SORCS2: variants seen among roughly 807,000 people sequenced by gnomAD.
The protein encoded by SORCS2 is VPS10 domain-containing receptor SorCS2.
Under a neutral mutation model 141.6 loss-of-function variants are expected in SORCS2, and 100 were observed. The observed-to-expected ratio is 0.71, with a 90% CI of 0.60 to 0.83. The LOEUF (loss-of-function observed/expected upper bound fraction) is 0.83. SORCS2 is among the 40% of genes least tolerant of loss of function. The pLI, the probability that SORCS2 is intolerant of heterozygous loss-of-function variation, is 0.00. For missense variants in SORCS2, 1,646 were observed against 1,560.2 expected (o/e 1.05, Z -0.93); for synonymous variants, 789 against 676.9 (o/e 1.17, Z -2.57).
At chr4:7,405,731 T>C (rs1560258283) in intron 2 of SORCS2, among the ~76,000 whole-genome samples, 1 of 151,986 alleles carries the variant, frequency 6.6e-6, no homozygotes, top group Non-Finnish European at 1.5e-5. Flanking sequence ...ATCAAATCTG[T>C]TTTTTCATGG....
intron 3 of SORCS2, among the ~76,000 whole-genome samples, chr4:7,585,784 G>A (rs1200775951): frequency 6.6e-6 from 1 of 152,204 alleles, no homozygotes; most frequent in Non-Finnish European, 1.5e-5. Flanking sequence ...GCATGTGGGG[G>A]AGCAGCCTTG....
chr4:7,484,570 G>A (rs1000020304), intron 2 of SORCS2, among the ~76,000 whole-genome samples: 2 of 152,134 alleles, frequency 1.3e-5, no homozygotes, highest in Non-Finnish European at 1.5e-5. Context: ...TGACTCCAGT[G>A]TGGAAATACC....
chr4:7,739,233 G>A (rs556492390), intron 26 of SORCS2, among the ~76,000 whole-genome samples: 176 of 152,290 alleles, frequency 1.2e-3, no homozygotes, highest in Middle Eastern at 3.4e-3. Flanking sequence ...GCCCCGGGCC[G>A]CGGGTGAGCG....
chr4:7,456,466 C>T (rs1728917093), intron 2 of SORCS2, among the ~76,000 whole-genome samples: 2 of 151,260 alleles, frequency 1.3e-5, no homozygotes, highest in Admixed American at 6.6e-5. Context: ...CACCCATAAG[C>T]CTGAAGGGTG....
At chr4:7,557,245 A>G (rs542853545) in intron 3 of SORCS2, among the ~76,000 whole-genome samples, 2 of 152,172 alleles carry the variant, frequency 1.3e-5, no homozygotes, top group Admixed American at 6.5e-5. Flanking sequence ...TCTTATAGTG[A>G]TCTTAGCTTC....
At chr4:7,369,376 T>A (rs1722108529) in intron 1 of SORCS2, among the ~76,000 whole-genome samples, 1 of 152,170 alleles carries the variant, frequency 6.6e-6, no homozygotes, top group Non-Finnish European at 1.5e-5. Flanking sequence ...CTCGGGTATG[T>A]CTTTATCAGC....
chr4:7,726,731 G>A (rs1165431000), intron 20 of SORCS2, 49 bp from the exon 21 acceptor site: 3 of 1,596,694 alleles, frequency 1.9e-6, no homozygotes, highest in Non-Finnish European at 2.6e-6. Flanking sequence ...GTCCCCCACG[G>A]CCGCTGCCTC....
At chr4:7,436,886 C>T (rs376153084) in intron 2 of SORCS2, among the ~76,000 whole-genome samples, 6 of 152,136 alleles carry the variant, frequency 3.9e-5, no homozygotes, top group Middle Eastern at 3.2e-3. Flanking sequence ...AGGAGCGGCA[C>T]GGATTGGGCA....
At chr4:7,435,127 G>C (rs190609591) in intron 2 of SORCS2, among the ~76,000 whole-genome samples, 15 of 152,288 alleles carry the variant, frequency 9.8e-5, no homozygotes, top group Admixed American at 9.8e-4. Context: ...TCTGAGCCTA[G>C]CTGATACGTG....
At chr4:7,358,092 T>G (rs1442687962) in intron 1 of SORCS2, among the ~76,000 whole-genome samples, 3 of 152,206 alleles carry the variant, frequency 2.0e-5, no homozygotes, top group Non-Finnish European at 2.9e-5. Flanking sequence ...ACATCTGGTC[T>G]CATGGATGCG....
At chr4:7,238,617 T>A (rs56035813) in intron 1 of SORCS2, among the ~76,000 whole-genome samples, 2 of 152,034 alleles carry the variant, frequency 1.3e-5, no homozygotes, top group African/African-American at 4.8e-5. Flanking sequence ...TCAGTGGGGA[T>A]GGTGGAAGCC....
At chr4:7,200,112 C>A (rs967317032) in intron 1 of SORCS2, among the ~76,000 whole-genome samples, 11 of 152,122 alleles carry the variant, frequency 7.2e-5, no homozygotes, top group African/African-American at 1.4e-4. Context: ...CTGATCCCCC[C>A]TCGCTGGAAG....
At chr4:7,455,067 G>C (rs1254345226) in intron 2 of SORCS2, among the ~76,000 whole-genome samples, 5 of 115,974 alleles carry the variant, frequency 4.3e-5, no homozygotes, top group Non-Finnish European at 9.1e-5. Flanking sequence ...TGCTGTGTTG[G>C]GGTCAGCTGC....
At chr4:7,314,829 T>TA (rs1645468921) in intron 1 of SORCS2, among the ~76,000 whole-genome samples, 1 of 116,516 alleles carries the variant, frequency 8.6e-6, no homozygotes, top group Non-Finnish European at 1.8e-5. Flanking sequence ...TTTTTTTTTT[T>TA]ATTGTTGTTG....
chr4:7,563,175 A>C (rs1378502231), intron 3 of SORCS2, among the ~76,000 whole-genome samples: 1 of 152,020 alleles, frequency 6.6e-6, no homozygotes, highest in Non-Finnish European at 1.5e-5. Flanking sequence ...GGGGAGGAAA[A>C]GGAGAAGGTC....
At chr4:7,596,315 C>T (rs1717274333) in intron 3 of SORCS2, among the ~76,000 whole-genome samples, 1 of 152,138 alleles carries the variant, frequency 6.6e-6, no homozygotes, top group African/African-American at 2.4e-5. Context: ...TTAGCGGCTC[C>T]CCTCTGCAAA....
intron 1 of SORCS2, among the ~76,000 whole-genome samples, chr4:7,237,997 C>T (rs1712406691): frequency 6.6e-6 from 1 of 152,018 alleles, no homozygotes; most frequent in Non-Finnish European, 1.5e-5. Context: ...GGACTGTGGG[C>T]CAGGGGTGCT....
At chr4:7,402,261 C>T (rs993575553) in intron 2 of SORCS2, among the ~76,000 whole-genome samples, 3 of 152,214 alleles carry the variant, frequency 2.0e-5, no homozygotes, top group African/African-American at 7.2e-5. Context: ...CTCTCACACC[C>T]ACCCTCACCA....
intron 14 of SORCS2, 48 bp from the exon 15 acceptor site, chr4:7,712,685 G>A (rs752873072): frequency 3.1e-6 from 5 of 1,612,394 alleles, no homozygotes; most frequent in South Asian, 1.1e-5. Context: ...GTAGGACAAG[G>A]CCTAATGAAG....
Sources: allele counts gnomAD v4.1 joint callset (sites outside exome capture counted in the v4.1 genomes callset), GRCh38; gene constraint gnomAD v4.1.1; transcripts MANE v1.5; gene names NCBI Gene and HGNC (gene_info 2026-07-23, HGNC 2026-07-21).